The following ASB18 variants were observed in gnomAD, a reference collection of about 807,000 sequenced individuals.
The protein encoded by ASB18 is ankyrin repeat and SOCS box containing 18, also known as ankyrin repeat and SOCS box protein 18.
Under a neutral mutation model 33.4 loss-of-function variants are expected in ASB18, and 33 were observed. That is an observed-to-expected ratio of 0.99 (90% CI 0.75 to 1.32). ASB18 has a LOEUF of 1.32. Ranked by LOEUF, ASB18 falls within the 40% of genes most tolerant of loss-of-function variation. ASB18 has a pLI of 0.00. For missense variants in ASB18, 694 were observed against 655.5 expected (o/e 1.06, Z -0.64); for synonymous variants, 295 against 307.6 (o/e 0.96, Z 0.43).
chr2:236,237,654 G>A lies in ASB18; in HGVS notation c.596+35C>T, dbSNP rs1474898995. ...GAGGCGGGCGTCTGGTCTCGGGGCGGGGCGGACGCCGCGGGCCTGTCCCGA... is the reference window on the plus strand; with the variant it reads ...GAGGCGGGCGTCTGGTCTCGGGGCGAGGCGGACGCCGCGGGCCTGTCCCGA... On this transcript the variant is annotated intron_variant, in intron 3 of 5. Coordinates refer to ENST00000409749, the MANE Select transcript of ASB18 (RefSeq NM_212556.4). The surrounding 1 kb of genome is among the most constrained non-coding windows in gnomAD (Gnocchi z 6.2). The A allele has an allele frequency of 7.3e-7, 1 of 1,366,010 alleles. No individual in the cohort carries two copies. Among genetic ancestry groups the A allele is most frequent in the Non-Finnish European group, 9.4e-7 (1 of 1,066,774 alleles). 84.6% of individuals were successfully genotyped at this position (1,366,010 alleles called of 1,614,324 possible). A position where few individuals can be genotyped will look rare whatever the true frequency, so the allele number is the denominator to read the frequency against.
At position 236,195,035 on chromosome 2, in the gene ASB18, G is replaced by T. The variant is rs773073926; in HGVS notation, c.1238C>A (p.Ser413Tyr). Residue 413 changes from serine (S) to tyrosine (Y), a missense_variant, in exon 6 of 6, where the codon TCC (serine) becomes TAC (tyrosine). Physicochemically the swap from Ser to Tyr is moderately radical, Grantham distance 144. Transcript: ENST00000409749. The surrounding 1 kb of genome is among the most constrained non-coding windows in gnomAD (Gnocchi z 5.5). ...TGGGGTGAGGGCCAAGGCAAAGAGG[G>T]ACTGGTAGAACGGCTTGTGCATCTG... ...VFQMHKPFYQ[S>Y]LFALALTPRC... The T allele has an allele frequency of 1.9e-6, 3 of 1,612,786 alleles. No homozygotes were observed. The highest frequency in any genetic ancestry group is 2.5e-6 in the Non-Finnish European group (3 of 1,179,362).
chr2:236,254,930 TAGTG>T (rs1414595227), intron 1 of ASB18, among the ~76,000 whole-genome samples: 6 of 152,096 alleles, frequency 3.9e-5, no homozygotes, highest in African/African-American at 1.2e-4. Flanking sequence ...GTTCTCAAGA[TAGTG>T]AGTTCTTGTG....
chr2:236,261,779 C>G (rs914160551), intron 1 of ASB18, among the ~76,000 whole-genome samples: 1 of 152,158 alleles, frequency 6.6e-6, no homozygotes, highest in East Asian at 1.9e-4. Flanking sequence ...GCTGGGGAGG[C>G]CTCACAATCA....
In ASB18 at chr2:236,197,651, G is replaced by A. The variant is rs182173276; in HGVS notation, c.1102-1266C>T. Among the ~76,000 whole-genome samples the A allele has an allele frequency of 4.7e-3, 714 of 152,244 alleles. 5 individuals carry two copies. The highest frequency in any genetic ancestry group is 0.01 in the Middle Eastern group (3 of 294). On this transcript the variant is annotated intron_variant, in intron 4 of 5. Coordinates refer to ENST00000409749, the MANE Select transcript of ASB18 (RefSeq NM_212556.4). Reference sequence around the variant, plus strand: ...AGCCTGACCAACATGGAGAAACACCGTCTCTACTTAAAATACAAAAATTAG... The same window carrying A: ...AGCCTGACCAACATGGAGAAACACCATCTCTACTTAAAATACAAAAATTAG...
At chr2:236,246,911 C>T (rs2060647995) in intron 1 of ASB18, among the ~76,000 whole-genome samples, 1 of 152,200 alleles carries the variant, frequency 6.6e-6, no homozygotes, top group Non-Finnish European at 1.5e-5. Context: ...TCTGATCCAA[C>T]TGTGTTTCAC....
chr2:236,218,687 A>C (rs2060498624), intron 3 of ASB18, among the ~76,000 whole-genome samples: 1 of 151,360 alleles, frequency 6.6e-6, no homozygotes, highest in Non-Finnish European at 1.5e-5. Flanking sequence ...AGTCTCAGCT[A>C]CTGGGGAGGC....
rs141900912 is a variant in ASB18, at chr2:236,263,157, C to G, written c.205+984G>C. Among the ~76,000 whole-genome samples, 170 of 152,322 alleles carry G rather than the reference C, an allele frequency of 1.1e-3. 2 individuals are homozygous for G. In the East Asian group the frequency reaches 0.03, roughly 27 times the overall value. ...TGACAAGCTGGGAAACAGCACAATACAACTAAAAGTAAATCACAGGTCAGG... is the reference window on the plus strand; with the variant it reads ...TGACAAGCTGGGAAACAGCACAATAGAACTAAAAGTAAATCACAGGTCAGG... On this transcript the variant is annotated intron_variant, in intron 1 of 5. Transcript: ENST00000409749. This position sits in a 1 kb window ranked among gnomAD's most constrained non-coding sequence, Gnocchi z 4.0.
rs998764339 is a variant in ASB18, at chr2:236,239,401, G to T, written c.329-1445C>A. On this transcript the variant is annotated intron_variant, in intron 2 of 5. Transcript: ENST00000409749. The surrounding 1 kb of genome is among the most constrained non-coding windows in gnomAD (Gnocchi z 5.6). ...CTCAGCCACAGTGTGGGCCAGCACC[G>T]TCTCCAGGTCCTTGGCGATGCAGTC... Among the ~76,000 whole-genome samples the T allele has an allele frequency of 6.6e-6, 1 of 151,526 alleles. No individual in the cohort carries two copies. Among genetic ancestry groups the T allele is most frequent in the African/African-American group, 2.4e-5 (1 of 41,308 alleles).
In ASB18 at chr2:236,252,143, C is replaced by T. The variant is rs1039563470; in HGVS notation, c.206-10741G>A. On this transcript the variant is annotated intron_variant, in intron 1 of 5. Coordinates refer to ENST00000409749, the MANE Select transcript of ASB18 (RefSeq NM_212556.4). This position sits in a 1 kb window ranked among gnomAD's most constrained non-coding sequence, Gnocchi z 7.9. ...AAAATCAGCTGAGGGTGGTGGTGTGCGGCTGCAGTCCCAGCTATTCAGGAG... is the reference window on the plus strand; with the variant it reads ...AAAATCAGCTGAGGGTGGTGGTGTGTGGCTGCAGTCCCAGCTATTCAGGAG... Among the ~76,000 whole-genome samples the T allele has an allele frequency of 2.6e-5, 4 of 151,936 alleles. No homozygotes were observed. The highest frequency in any genetic ancestry group is 2.1e-4 in the South Asian group (1 of 4,828).
At position 236,239,432 on chromosome 2, in the gene ASB18, G is replaced by C. The variant is rs768162753; in HGVS notation, c.329-1476C>G. Among the ~76,000 whole-genome samples the C allele has an allele frequency of 2.6e-5, 4 of 151,948 alleles. No individual in the cohort carries two copies. Among genetic ancestry groups the C allele is most frequent in the African/African-American group, 4.8e-5 (2 of 41,378 alleles). On this transcript the variant is annotated intron_variant, in intron 2 of 5. Transcript: ENST00000409749. This position sits in a 1 kb window ranked among gnomAD's most constrained non-coding sequence, Gnocchi z 5.6. ...AGGTCCTTGGCGATGCAGTCAGGAA[G>C]TCTGAATCAGCTTTCTGTAACTCCC...
rs1208230564 is a variant in ASB18 at position 236,221,738 on chromosome 2, T to G, written c.597-6872A>C. Among the ~76,000 whole-genome samples, 1 of 152,156 alleles carries G rather than the reference T, an allele frequency of 6.6e-6. No homozygotes were observed. Among genetic ancestry groups the G allele is most frequent in the Non-Finnish European group, 1.5e-5 (1 of 68,030 alleles). On this transcript the variant is annotated intron_variant, in intron 3 of 5. Transcript: ENST00000409749. This position sits in a 1 kb window ranked among gnomAD's most constrained non-coding sequence, Gnocchi z 5.6. ...AGTCCTTGGGCAATCCTGAGCTCCC[T>G]CTCCTGTTCTCCTTATGTGACTGCT...
At position 236,228,206 on chromosome 2, in the gene ASB18, T is replaced by G. The variant is rs13398664; in HGVS notation, c.596+9483A>C. ...CTCCTGGTGGAAAGTGGAGAATGCT[T>G]GTAGCCAAGGATGGAAATGTGTCAC... On this transcript the variant is annotated intron_variant, in intron 3 of 5. Coordinates refer to ENST00000409749, the MANE Select transcript of ASB18 (RefSeq NM_212556.4). This position sits in a 1 kb window ranked among gnomAD's most constrained non-coding sequence, Gnocchi z 5.1. 0.39 allele frequency among the ~76,000 whole-genome samples: 58,561 copies of G among 152,062 alleles called. 11,807 individuals are homozygous for G. Among genetic ancestry groups the G allele is most frequent in the African/African-American group, 0.52 (21,478 of 41,466 alleles).
At position 236,214,978 on chromosome 2, in the gene ASB18, C is replaced by A; in HGVS notation, c.597-112G>T. The A allele has an allele frequency of 1.2e-6, 1 of 818,932 alleles. No homozygotes were observed. The highest frequency in any genetic ancestry group is 1.6e-6 in the Non-Finnish European group (1 of 630,284). 50.7% of individuals were successfully genotyped at this position (818,932 alleles called of 1,614,324 possible). Reference sequence around the variant, plus strand: ...TGACCTCTGAATGAAAAGACATGCTCCGCTCTCCCATACCAAGGCGTCAGG... The same window carrying A: ...TGACCTCTGAATGAAAAGACATGCTACGCTCTCCCATACCAAGGCGTCAGG... On this transcript the variant is annotated intron_variant, in intron 3 of 5. Coordinates refer to ENST00000409749, the MANE Select transcript of ASB18 (RefSeq NM_212556.4). This position sits in a 1 kb window ranked among gnomAD's most constrained non-coding sequence, Gnocchi z 6.5.
chr2:236,197,454 GC>G (rs2060379553), intron 4 of ASB18, among the ~76,000 whole-genome samples: 1 of 152,196 alleles, frequency 6.6e-6, no homozygotes, highest in East Asian at 1.9e-4. Flanking sequence ...TCACTGTGGG[GC>G]TTTTGCTGAT....
At chr2:236,224,519 A>ATAAG (rs763962608) in intron 3 of ASB18, among the ~76,000 whole-genome samples, 7 of 152,096 alleles carry the variant, frequency 4.6e-5, no homozygotes, top group Non-Finnish European at 1.0e-4. Context: ...GTGGCCAGAG[A>ATAAG]TAAGTGGAGC....
In ASB18 at chr2:236,214,489, C is replaced by A; in HGVS notation, c.974G>T (p.Gly325Val). ...HGADAGALDY[G>V]GASPLGRVLQ... ...CACGCGGCCCAGCGGCGAGGCCCCG[C>A]CATAGTCGAGCGCGCCCGCGTCGGC... The change falls in exon 4 of 6, where the codon GGC becomes GTC. Residue 325 changes from glycine (G) to valine (V), a missense_variant. By Grantham distance (109) the Gly-to-Val change is moderately radical. Coordinates refer to ENST00000409749, the MANE Select transcript of ASB18 (RefSeq NM_212556.4). The surrounding 1 kb of genome is among the most constrained non-coding windows in gnomAD (Gnocchi z 6.5). The A allele has an allele frequency of 6.6e-7, 1 of 1,508,372 alleles. No homozygotes were observed. Among genetic ancestry groups the A allele is most frequent in the Non-Finnish European group, 8.8e-7 (1 of 1,136,668 alleles). The allele number at this position is 1,508,372 out of a possible 1,614,324, so 93.4% of individuals were successfully genotyped here.
intron 1 of ASB18, among the ~76,000 whole-genome samples, chr2:236,246,409 T>G (rs1230027360): frequency 7.3e-6 from 1 of 136,584 alleles, no homozygotes; most frequent in Non-Finnish European, 1.6e-5. Flanking sequence ...CCCTGAGAAC[T>G]CTTTAAAACT....
Position 236,259,801 on chromosome 2 carries a change from G to A in ASB18, c.205+4340C>T, listed in dbSNP as rs1024654740. 6.6e-6 allele frequency among the ~76,000 whole-genome samples: 1 copy of A among 152,242 alleles called. No individual in the cohort carries two copies. Among genetic ancestry groups the A allele is most frequent in the Non-Finnish European group, 1.5e-5 (1 of 68,036 alleles). On this transcript the variant is annotated intron_variant, in intron 1 of 5. Transcript: ENST00000409749. The surrounding 1 kb of genome is among the most constrained non-coding windows in gnomAD (Gnocchi z 4.4). ...AATTCTGACTGATGGCCATTCTCCTGCCTAATGCCTGCCTCAGCAGGGTAT... is the reference window on the plus strand; with the variant it reads ...AATTCTGACTGATGGCCATTCTCCTACCTAATGCCTGCCTCAGCAGGGTAT...
At chr2:236,230,354 A>G (rs2060558704) in intron 3 of ASB18, among the ~76,000 whole-genome samples, 1 of 150,388 alleles carries the variant, frequency 6.6e-6, no homozygotes, top group South Asian at 2.1e-4. Context: ...AAGAAATGTT[A>G]AAGAAAGCAC....
Sources: allele counts gnomAD v4.1 joint callset (sites outside exome capture counted in the v4.1 genomes callset), GRCh38; gene constraint gnomAD v4.1.1; non-coding constraint Gnocchi (gnomAD v3.1); transcripts MANE v1.5; gene names NCBI Gene and HGNC (gene_info 2026-07-23, HGNC 2026-07-21).